CNTN5: variants seen among roughly 807,000 people sequenced by gnomAD.
CNTN5 encodes the protein contactin 5.
CNTN5 carries 77 observed loss-of-function variants against 129.1 expected under a neutral mutation model. The observed-to-expected ratio is 0.60, with a 90% CI of 0.50 to 0.72. The LOEUF is 0.72. Among genes scored for constraint, CNTN5 ranks in the 30% least tolerant of loss-of-function variants. CNTN5 has a pLI of 0.00. For missense variants in CNTN5, 1,478 were observed against 1,328.8 expected, an observed-to-expected ratio of 1.11 and a Z score of -1.75; for synonymous variants, 509 against 465.6, an observed-to-expected ratio of 1.09 and a Z score of -1.20.
At chr11:99,803,544 C>T (rs1014951572) in intron 3 of CNTN5, among the ~76,000 whole-genome samples, 1 of 152,164 alleles carries the variant, frequency 6.6e-6, no homozygotes, top group Non-Finnish European at 1.5e-5. Flanking sequence ...TGCTCTTGGT[C>T]CTGAGTTTGG....
At chr11:99,591,483 G>A (rs143912536) in intron 3 of CNTN5, among the ~76,000 whole-genome samples, 1,834 of 151,714 alleles carry the variant, frequency 0.012, 39 homozygotes, top group African/African-American at 0.041. Flanking sequence ...GACTACAGGC[G>A]CGTGCCACCA....
At chr11:99,154,945 C>T (rs373393370) in intron 1 of CNTN5, among the ~76,000 whole-genome samples, 8 of 152,160 alleles carry the variant, frequency 5.3e-5, no homozygotes, top group Non-Finnish European at 1.2e-4. Context: ...CCACTACAGA[C>T]GGTCCTGCTC....
intron 4 of CNTN5, among the ~76,000 whole-genome samples, chr11:99,834,343 A>G (rs572464523): frequency 5.4e-4 from 82 of 152,258 alleles, no homozygotes; most frequent in South Asian, 3.7e-3. Flanking sequence ...CTGAAAACTT[A>G]CATATTGAAA....
At chr11:100,275,899 T>A (rs140982770) in intron 18 of CNTN5, among the ~76,000 whole-genome samples, 2 of 152,332 alleles carry the variant, frequency 1.3e-5, no homozygotes, top group Non-Finnish European at 2.9e-5. Context: ...GCCTGTTTTG[T>A]CAGGCAGCAC....
intron 13 of CNTN5, among the ~76,000 whole-genome samples, chr11:100,141,615 T>C (rs572362664): frequency 6.6e-6 from 1 of 152,300 alleles, no homozygotes; most frequent in South Asian, 2.1e-4. Flanking sequence ...GGAATATTAA[T>C]TTTGTTTCCC....
chr11:99,082,405 G>A (rs1475698959), intron 1 of CNTN5, among the ~76,000 whole-genome samples: 5 of 152,044 alleles, frequency 3.3e-5, no homozygotes, highest in East Asian at 3.9e-4. Flanking sequence ...GGGTGGTCTC[G>A]ATCTCTTGAC....
chr11:99,112,939 T>G (rs1441608912), intron 1 of CNTN5, among the ~76,000 whole-genome samples: 2 of 151,982 alleles, frequency 1.3e-5, no homozygotes, highest in Non-Finnish European at 2.9e-5. Context: ...GTACTAAACG[T>G]TACAGTGAGG....
At chr11:100,237,322 C>T (rs1246516795) in intron 16 of CNTN5, among the ~76,000 whole-genome samples, 2 of 152,138 alleles carry the variant, frequency 1.3e-5, no homozygotes, top group Non-Finnish European at 2.9e-5. Flanking sequence ...ACTCTAGTCT[C>T]TATTCCCCAA....
chr11:99,591,617 C>T (rs11220567), intron 3 of CNTN5, among the ~76,000 whole-genome samples: 8,011 of 152,170 alleles, frequency 0.053, 302 homozygotes, highest in Non-Finnish European at 0.074. Context: ...GAATTACAGG[C>T]GTGAGCCACC....
intron 2 of CNTN5, among the ~76,000 whole-genome samples, chr11:99,362,481 T>G (rs1026844727): frequency 2.0e-5 from 3 of 152,012 alleles, no homozygotes; most frequent in African/African-American, 7.2e-5. Context: ...GTTTTTAATT[T>G]TGATAAAAAA....
intron 6 of CNTN5, among the ~76,000 whole-genome samples, chr11:99,910,646 A>C (rs1216703417): frequency 6.6e-6 from 1 of 152,094 alleles, no homozygotes; most frequent in Non-Finnish European, 1.5e-5. Context: ...ATATGACTGC[A>C]GTGAATTTTT....
At chr11:99,951,573 T>C (rs1296174542) in intron 7 of CNTN5, among the ~76,000 whole-genome samples, 2 of 152,184 alleles carry the variant, frequency 1.3e-5, no homozygotes, top group Non-Finnish European at 2.9e-5. Context: ...CTGATAGGGA[T>C]TGGACTACCT....
intron 3 of CNTN5, among the ~76,000 whole-genome samples, chr11:99,618,393 T>A (rs1423759807): frequency 6.6e-6 from 1 of 152,196 alleles, no homozygotes; most frequent in Non-Finnish European, 1.5e-5. Context: ...CCAGTCATTT[T>A]ACAAATATAT....
At chr11:99,678,055 T>TA (rs2134693598) in intron 3 of CNTN5, among the ~76,000 whole-genome samples, 1 of 152,226 alleles carries the variant, frequency 6.6e-6, no homozygotes, top group Admixed American at 6.5e-5. Flanking sequence ...TTTTGATACT[T>TA]ATATGTTTTT....
At chr11:99,366,506 A>C (rs1939452685) in intron 2 of CNTN5, among the ~76,000 whole-genome samples, 1 of 152,184 alleles carries the variant, frequency 6.6e-6, no homozygotes, top group South Asian at 2.1e-4. Context: ...TCAAAGATGA[A>C]ATAGCAAATA....
chr11:100,311,281 C>T (rs1951468387), intron 21 of CNTN5, among the ~76,000 whole-genome samples: 1 of 151,756 alleles, frequency 6.6e-6, no homozygotes, highest in Non-Finnish European at 1.5e-5. Flanking sequence ...AAGATAATTG[C>T]AGAGATATTT....
intron 2 of CNTN5, among the ~76,000 whole-genome samples, chr11:99,414,285 G>C (rs2656213): frequency 6.6e-6 from 1 of 151,942 alleles, no homozygotes; most frequent in Non-Finnish European, 1.5e-5. Context: ...TTAAATTCTA[G>C]AAAGTTTTGA....
chr11:99,459,094 C>T (rs567194850), intron 2 of CNTN5, among the ~76,000 whole-genome samples: 2 of 151,986 alleles, frequency 1.3e-5, no homozygotes, highest in Non-Finnish European at 2.9e-5. Flanking sequence ...TTTTTAAGAC[C>T]TTCTTGGGGC....
intron 1 of CNTN5, among the ~76,000 whole-genome samples, chr11:99,068,822 A>G (rs566388077): frequency 6.6e-6 from 1 of 152,184 alleles, no homozygotes; most frequent in South Asian, 2.1e-4. Context: ...ATAGAAAGTA[A>G]TTGTGAAAAA....
Sources: allele counts gnomAD v4.1 joint callset (sites outside exome capture counted in the v4.1 genomes callset), GRCh38; gene constraint gnomAD v4.1.1; transcripts MANE v1.5; gene names NCBI Gene and HGNC (gene_info 2026-07-23, HGNC 2026-07-21).